Variants in INPP4B observed in about 807,000 individuals in gnomAD.
INPP4B encodes inositol polyphosphate-4-phosphatase type II B, also known as inositol polyphosphate 4-phosphatase type II.
In INPP4B, 55 loss-of-function variants were observed where a neutral mutation model predicts 122.5. That is an observed-to-expected ratio of 0.45 (90% CI 0.36 to 0.56). The LOEUF (loss-of-function observed/expected upper bound fraction) is 0.56. INPP4B is among the 20% of genes least tolerant of loss of function. The pLI, the probability that INPP4B is intolerant of heterozygous loss-of-function variation, is 0.00. For missense variants in INPP4B, 1,000 were observed against 1,097.7 expected (o/e 0.91, Z 1.26); for synonymous variants, 403 against 388.7 (o/e 1.04, Z -0.43).
chr4:142,476,957 G>C (rs1386734970), intron 2 of INPP4B, among the ~76,000 whole-genome samples: 1 of 152,030 alleles, frequency 6.6e-6, no homozygotes. Flanking sequence ...TGACCAAATG[G>C]GGCTAATACC....
At chr4:142,140,799 C>T (rs1419096769) in intron 18 of INPP4B, among the ~76,000 whole-genome samples, 1 of 152,056 alleles carries the variant, frequency 6.6e-6, no homozygotes, top group Non-Finnish European at 1.5e-5. Context: ...AAGGATAGGT[C>T]AAATTTAGCA....
intron 2 of INPP4B, among the ~76,000 whole-genome samples, chr4:142,628,308 A>T (rs1747016747): frequency 6.9e-6 from 1 of 145,710 alleles, no homozygotes; most frequent in Non-Finnish European, 1.5e-5. Flanking sequence ...AACTATCACA[A>T]GAACAAAAAA....
chr4:142,600,673 C>A (rs770499347), intron 2 of INPP4B, among the ~76,000 whole-genome samples: 2 of 152,022 alleles, frequency 1.3e-5, no homozygotes, highest in Non-Finnish European at 2.9e-5. Flanking sequence ...ATTAATAATA[C>A]AACAGGAACA....
At chr4:142,082,725 C>T (rs531436189) in intron 24 of INPP4B, among the ~76,000 whole-genome samples, 1 of 152,264 alleles carries the variant, frequency 6.6e-6, no homozygotes, top group South Asian at 2.1e-4. Context: ...GGGAACTACT[C>T]ATCAATACTA....
intron 2 of INPP4B, among the ~76,000 whole-genome samples, chr4:142,708,371 C>T (rs1762703483): frequency 6.6e-6 from 1 of 152,056 alleles, no homozygotes; most frequent in Non-Finnish European, 1.5e-5. Flanking sequence ...TGTTAATAGC[C>T]CAGACAATGG....
rs1736959952 is a variant in INPP4B at position 142,026,230 on chromosome 4, A to T, written c.*2552T>A. ...TAAACACTTTAACATTTGCTCTTTG[A>T]TTTAGCCTTAATAACTTAAGAAATA... is the stretch of plus-strand genomic sequence containing the variant. On this transcript the variant is annotated 3_prime_UTR_variant, in exon 26 of 26. Coordinates refer to ENST00000262992, the MANE Select transcript of INPP4B (RefSeq NM_001101669.3). 6.6e-6 allele frequency: 1 copy of T among 152,170 alleles called. No individual in the cohort carries two copies. Among genetic ancestry groups the T allele is most frequent in the Non-Finnish European group, 1.5e-5 (1 of 68,016 alleles). 9.4% of individuals were successfully genotyped at this position (152,170 alleles called of 1,614,324 possible). A position where few individuals can be genotyped will look rare whatever the true frequency, so the allele number is the denominator to read the frequency against.
At chr4:142,746,682 C>T (rs143264991) in intron 1 of INPP4B, among the ~76,000 whole-genome samples, 2 of 151,876 alleles carry the variant, frequency 1.3e-5, no homozygotes, top group Non-Finnish European at 2.9e-5. Flanking sequence ...ATATATAGAC[C>T]AATGGAACAG....
At chr4:142,292,659 G>A (rs1384009159) in intron 9 of INPP4B, among the ~76,000 whole-genome samples, 1 of 152,144 alleles carries the variant, frequency 6.6e-6, no homozygotes, top group African/African-American at 2.4e-5. Flanking sequence ...GATCTGCTCT[G>A]GTCATCAATG....
chr4:142,128,607 T>A (rs1355286642), intron 18 of INPP4B, among the ~76,000 whole-genome samples: 1 of 152,180 alleles, frequency 6.6e-6, no homozygotes, highest in Admixed American at 6.5e-5. Flanking sequence ...CCAACAAGAA[T>A]CTTTCCTCGG....
intron 1 of INPP4B, among the ~76,000 whole-genome samples, chr4:142,741,578 C>A (rs1453874013): frequency 6.6e-6 from 1 of 151,244 alleles, no homozygotes; most frequent in Non-Finnish European, 1.5e-5. Flanking sequence ...ATATTAAAAC[C>A]AATTAGAATT....
intron 14 of INPP4B, among the ~76,000 whole-genome samples, chr4:142,197,925 T>C (rs953555221): frequency 1.3e-5 from 2 of 152,160 alleles, no homozygotes; most frequent in Middle Eastern, 3.2e-3. Context: ...AAAAAACTTA[T>C]ACTGTAAACA....
chr4:142,632,917 GA>G (rs55768165), intron 2 of INPP4B, among the ~76,000 whole-genome samples: 116,680 of 150,806 alleles, frequency 0.77, 45,848 homozygotes, highest in East Asian at 0.85. Flanking sequence ...TGGTAGATTT[GA>G]AAAAAAAATT....
At chr4:142,615,154 T>G (rs1158120293) in intron 2 of INPP4B, among the ~76,000 whole-genome samples, 1 of 152,156 alleles carries the variant, frequency 6.6e-6, no homozygotes, top group Non-Finnish European at 1.5e-5. Context: ...AAAAGGTTAG[T>G]TCTGAGTCAG....
chr4:142,096,435 T>A (rs549442829), intron 23 of INPP4B, among the ~76,000 whole-genome samples: 1 of 152,174 alleles, frequency 6.6e-6, no homozygotes, highest in Non-Finnish European at 1.5e-5. Flanking sequence ...CAGGTGGACC[T>A]TTGTATATGT....
At chr4:142,525,201 AAGG>A (rs1410977279) in intron 2 of INPP4B, among the ~76,000 whole-genome samples, 2 of 152,044 alleles carry the variant, frequency 1.3e-5, no homozygotes, top group Non-Finnish European at 2.9e-5. Flanking sequence ...GGACCTCTTC[AAGG>A]AGAACTACAA....
intron 17 of INPP4B, among the ~76,000 whole-genome samples, chr4:142,158,962 C>T (rs1818650522): frequency 6.6e-6 from 1 of 151,988 alleles, no homozygotes; most frequent in African/African-American, 2.4e-5. Context: ...CACTCGAACT[C>T]TTCAAAATTC....
intron 1 of INPP4B, among the ~76,000 whole-genome samples, chr4:142,763,538 G>A (rs1771647777): frequency 6.6e-6 from 1 of 152,108 alleles, no homozygotes; most frequent in South Asian, 2.1e-4. Flanking sequence ...ACCCATGATT[G>A]AGAAGGGAAA....
intron 12 of INPP4B, among the ~76,000 whole-genome samples, chr4:142,225,089 A>T (rs1850957898): frequency 6.6e-6 from 1 of 152,134 alleles, no homozygotes; most frequent in Non-Finnish European, 1.5e-5. Context: ...AGACCCACCC[A>T]TAATGTGGGT....
chr4:142,116,157 T>C (rs1481365434), intron 21 of INPP4B, among the ~76,000 whole-genome samples: 1 of 152,142 alleles, frequency 6.6e-6, no homozygotes, highest in Non-Finnish European at 1.5e-5. Context: ...CCCAGATTCA[T>C]AAAGCAAGTC....
Sources: allele counts gnomAD v4.1 joint callset (sites outside exome capture counted in the v4.1 genomes callset), GRCh38; gene constraint gnomAD v4.1.1; transcripts MANE v1.5; gene names NCBI Gene and HGNC (gene_info 2026-07-23, HGNC 2026-07-21).